The following GAB4 variants were observed in gnomAD, a reference collection of about 807,000 sequenced individuals.
The protein encoded by GAB4 is GRB2 associated binding protein family member 4, also known as GRB2-associated-binding protein 4.
Under a neutral mutation model 51.3 loss-of-function variants are expected in GAB4, and 26 were observed. The ratio of observed to expected loss-of-function variants is 0.51; its 90% CI spans 0.37 to 0.70. GAB4 has a LOEUF of 0.70. Among genes scored for constraint, GAB4 ranks in the 30% least tolerant of loss-of-function variants. The probability of loss-of-function intolerance (pLI) is 0.00; values close to 1 mark genes in which losing one functional copy is unlikely to be tolerated. For missense variants in GAB4, 759 were observed against 734.6 expected, an observed-to-expected ratio of 1.03 and a Z score of -0.38; for synonymous variants, 329 against 291.2, an observed-to-expected ratio of 1.13 and a Z score of -1.32.
Position 16,995,118 on chromosome 22 carries a change from G to A in GAB4, c.175-2942C>T, listed in dbSNP as rs867730787. On this transcript the variant is annotated intron_variant, in intron 1 of 9. Transcript: ENST00000400588. ...ATAAAGTGGCAGAGCAAGACTTCAA[G>A]CCCAGCAGCCTGGTTTCACGGGCTC... is the stretch of plus-strand genomic sequence containing the variant. Among the ~76,000 whole-genome samples, 10 of 152,296 alleles carry A rather than the reference G, an allele frequency of 6.6e-5. No homozygotes were observed. The South Asian group carries it at 8.3e-4, about 13-fold the overall frequency.
intron 3 of GAB4, among the ~76,000 whole-genome samples, chr22:16,971,589 C>T (rs2060732718): frequency 6.6e-6 from 1 of 152,222 alleles, no homozygotes; most frequent in Non-Finnish European, 1.5e-5. Flanking sequence ...AGTTCTCAGC[C>T]TCTTGATGGC....
chr22:17,006,409 G>A (rs1184932130), intron 1 of GAB4, among the ~76,000 whole-genome samples: 1 of 152,190 alleles, frequency 6.6e-6, no homozygotes, highest in African/African-American at 2.4e-5. Flanking sequence ...CTGTTGGTTG[G>A]AGTGTAAATT....
At chr22:16,964,895 G>GAGCCCCACCCA in intron 7 of GAB4, 33 bp from the exon 8 acceptor site, 1 of 1,555,088 alleles carries the variant, frequency 6.4e-7, no homozygotes. Context: ...AGTACATCCT[G>GAGCCCCACCCA]GGTGGGGCTC....
chr22:16,971,864 A>G (rs1048308604), intron 3 of GAB4, among the ~76,000 whole-genome samples: 2 of 152,168 alleles, frequency 1.3e-5, no homozygotes, highest in Non-Finnish European at 2.9e-5. Context: ...TGGGCCACCG[A>G]GCTTCACAGC....
rs201557251 is a variant in GAB4, at chr22:16,988,058, G to A, written c.588C>T (p.Pro196=). 1.9e-6 allele frequency: 3 copies of A among 1,608,032 alleles called. No individual in the cohort carries two copies. The Admixed American group carries it at 5.1e-5, about 27-fold the overall frequency. Residue 196 remains proline (P), a synonymous_variant, in exon 3 of 10, where the codon CCC becomes CCT. Coordinates refer to ENST00000400588, the MANE Select transcript of GAB4 (RefSeq NM_001037814.1). ...LPQEQEPTSE[P]PVSHCVPPTW... ...TGGGCGGCACACAGTGAGACACCGGGGGCTCAGATGTGGGTTCTTGTTCTT... is the reference window on the plus strand; with the variant it reads ...TGGGCGGCACACAGTGAGACACCGGAGGCTCAGATGTGGGTTCTTGTTCTT...
chr22:16,966,087 G>A lies in GAB4; in HGVS notation c.1288+13C>T, dbSNP rs1222745167. 2 of 1,612,584 alleles carry A rather than the reference G, an allele frequency of 1.2e-6. No homozygotes were observed. Among genetic ancestry groups the A allele is most frequent in the East Asian group, 2.2e-5 (1 of 44,884 alleles). On this transcript the variant is annotated intron_variant, in intron 6 of 9. Coordinates refer to ENST00000400588, the MANE Select transcript of GAB4 (RefSeq NM_001037814.1). ...CTGGACATTGTCAAGAAATAGAATGGGGAAAGACTTACCCTTCTGGTTAGG... is the reference window on the plus strand; with the variant it reads ...CTGGACATTGTCAAGAAATAGAATGAGGAAAGACTTACCCTTCTGGTTAGG...
intron 6 of GAB4, 148 bp downstream of exon 6, chr22:16,965,952 A>G (rs753080781): frequency 4.6e-4 from 344 of 740,916 alleles, no homozygotes; most frequent in Non-Finnish European, 6.8e-4. Context: ...AGGAGTTACT[A>G]TCTCCATTTC....
At chr22:16,963,286 G>C (rs1212573467) in intron 9 of GAB4, among the ~76,000 whole-genome samples, 15 of 152,164 alleles carry the variant, frequency 9.9e-5, no homozygotes, top group African/African-American at 3.4e-4. Context: ...CCACCCTGCT[G>C]TCTAGACAGG....
intron 3 of GAB4, among the ~76,000 whole-genome samples, chr22:16,977,075 A>C (rs1460246184): frequency 6.6e-6 from 1 of 152,202 alleles, no homozygotes; most frequent in Admixed American, 6.5e-5. Context: ...CCATACCAAA[A>C]TGTAGAGACC....
At chr22:16,976,685 C>T (rs2060781486) in intron 3 of GAB4, among the ~76,000 whole-genome samples, 1 of 152,108 alleles carries the variant, frequency 6.6e-6, no homozygotes, top group South Asian at 2.1e-4. Flanking sequence ...CAAGATACTC[C>T]TTGAGAAGAG....
At chr22:16,979,825 T>C (rs2060812190) in intron 3 of GAB4, among the ~76,000 whole-genome samples, 1 of 152,000 alleles carries the variant, frequency 6.6e-6, no homozygotes, top group African/African-American at 2.4e-5. Flanking sequence ...TACTGACCAA[T>C]GGAACAGAAC....
chr22:16,974,236 T>C (rs763449689), intron 3 of GAB4, among the ~76,000 whole-genome samples: 1 of 152,234 alleles, frequency 6.6e-6, no homozygotes, highest in Admixed American at 6.5e-5. Flanking sequence ...AGCAGTGGAT[T>C]TGGAGAGACG....
In GAB4 at chr22:16,962,049, C is replaced by T. The variant is rs2060634805; in HGVS notation, c.*684G>A. The T allele has an allele frequency of 6.6e-6, 1 of 152,406 alleles. No individual in the cohort carries two copies. The highest frequency in any genetic ancestry group is 1.5e-5 in the Non-Finnish European group (1 of 68,132). 9.4% of individuals were successfully genotyped at this position (152,406 alleles called of 1,614,324 possible). A position where few individuals can be genotyped will look rare whatever the true frequency, so the allele number is the denominator to read the frequency against. Reference sequence around the variant, plus strand: ...GGATTTCTGGGGCCCTGACCCTGGTCCTTGTCACCCCAGTCTCTGGAGCTC... The same window carrying T: ...GGATTTCTGGGGCCCTGACCCTGGTTCTTGTCACCCCAGTCTCTGGAGCTC... On this transcript the variant is annotated 3_prime_UTR_variant, in exon 10 of 10. Transcript: ENST00000400588.
At chr22:16,991,774 C>G (rs2060915894) in intron 2 of GAB4, 99 bp downstream of exon 2, 2 of 1,047,890 alleles carry the variant, frequency 1.9e-6, no homozygotes, top group Non-Finnish European at 2.8e-6. Context: ...GAGCCCAACA[C>G]TTCTTGGCAG....
intron 3 of GAB4, 103 bp downstream of exon 3, chr22:16,987,857 T>C (rs2060880613): frequency 1.2e-6 from 1 of 857,944 alleles, no homozygotes. Flanking sequence ...TGGAAAGATA[T>C]AATATTTTAT....
Position 16,968,276 on chromosome 22 carries a change from C to T in GAB4, c.1023+22G>A, listed in dbSNP as rs760353667. The T allele has an allele frequency of 3.8e-6, 6 of 1,576,268 alleles. No homozygotes were observed. The Admixed American group carries it at 5.0e-5, about 13-fold the overall frequency. On this transcript the variant is annotated intron_variant, in intron 5 of 9. Transcript: ENST00000400588. ...TTACCTCCCTGAGCCAGTCTGGGGA[C>T]CCCTGGTTAAGCCATACTCACCAGG...
intron 1 of GAB4, among the ~76,000 whole-genome samples, chr22:17,005,865 C>T (rs969888417): frequency 1.3e-5 from 2 of 151,600 alleles, no homozygotes; most frequent in Non-Finnish European, 3.0e-5. Context: ...TGAAGGAGGT[C>T]GGGGTCAAGA....
chr22:16,991,943 G>A lies in GAB4; in HGVS notation c.408C>T (p.Thr136=), dbSNP rs1569106901. 3.1e-6 allele frequency: 5 copies of A among 1,613,924 alleles called. No individual in the cohort carries two copies. The highest frequency in any genetic ancestry group is 1.7e-5 in the Admixed American group (1 of 60,008). Residue 136 remains threonine, a synonymous_variant, in exon 2 of 10, where the codon ACC becomes ACT. Transcript: ENST00000400588. ...GGACCCACTCATTCATGTCCTCCCT[G>A]GTCTCAGCCACCAGGTAAAAGGTAC... is the stretch of plus-strand genomic sequence containing the variant. ...SERTFYLVAE[T]REDMNEWVQS... is the part of the protein sequence containing the mutation.
chr22:16,998,381 C>G (rs534060468), intron 1 of GAB4, among the ~76,000 whole-genome samples: 1 of 152,078 alleles, frequency 6.6e-6, no homozygotes, highest in Non-Finnish European at 1.5e-5. Flanking sequence ...AGTTGGATTC[C>G]TAGGTATTTT....
Sources: allele counts gnomAD v4.1 joint callset (sites outside exome capture counted in the v4.1 genomes callset), GRCh38; gene constraint gnomAD v4.1.1; transcripts MANE v1.5; gene names NCBI Gene and HGNC (gene_info 2026-07-23, HGNC 2026-07-21).